Variants in NAV2 observed in about 807,000 individuals in gnomAD.
The protein encoded by NAV2 is helicase, APC down-regulated 1.
NAV2 carries 54 observed loss-of-function variants against 223.2 expected under a neutral mutation model. The ratio of observed to expected loss-of-function variants is 0.24; its 90% CI spans 0.19 to 0.30. NAV2 has a LOEUF of 0.30. Ranked by LOEUF, NAV2 falls within the 10% of genes least tolerant of loss-of-function variation. The probability of loss-of-function intolerance (pLI) is 1.00; values close to 1 mark genes in which losing one functional copy is unlikely to be tolerated. For synonymous variants in NAV2, 1,279 were observed against 1,239.3 expected (o/e 1.03, Z -0.67); for missense variants, 2,806 against 3,147.5 (o/e 0.89, Z 2.60).
In NAV2 at chr11:19,462,139, T is replaced by C. The variant is rs182299709; in HGVS notation, c.75+111112T>C. ...ATAAATTTCTTAATATGAGTTGTGC[T>C]GAAAGGTTTGAAAGCCACTGGCTTA... On this transcript the variant is annotated intron_variant, in intron 1 of 37. Coordinates refer to the NAV2 transcript ENST00000360655. 4.6e-3 allele frequency among the ~76,000 whole-genome samples: 700 copies of C among 152,348 alleles called. 19 individuals are homozygous for C. The highest frequency in any genetic ancestry group is 1.3e-3 in the East Asian group (7 of 5,186).
At chr11:19,629,479 G>GCA (rs1272691108) in intron 1 of NAV2, among the ~76,000 whole-genome samples, 7 of 151,102 alleles carry the variant, frequency 4.6e-5, no homozygotes, top group African/African-American at 9.7e-5. Context: ...ACGCACTTGC[G>GCA]CACACACACA....
intron 25 of NAV2, among the ~76,000 whole-genome samples, chr11:20,081,173 C>T (rs1161232908): frequency 6.6e-6 from 1 of 152,166 alleles, no homozygotes; most frequent in African/African-American, 2.4e-5. Context: ...CAATGACTTG[C>T]ATTGGAAGCA....
At chr11:19,717,437 C>A (rs574897444) in intron 1 of NAV2, among the ~76,000 whole-genome samples, 2 of 152,284 alleles carry the variant, frequency 1.3e-5, no homozygotes, top group South Asian at 2.1e-4. Flanking sequence ...CTGGAGGAGA[C>A]AGAAGATGAG....
intron 10 of NAV2, among the ~76,000 whole-genome samples, chr11:19,964,809 CTTTT>C (rs71050695): frequency 5.2e-5 from 3 of 57,524 alleles, no homozygotes; most frequent in South Asian, 6.6e-4. Context: ...CCTCATTCTA[CTTTT>C]TTTTTTTTTT....
intron 19 of NAV2, among the ~76,000 whole-genome samples, chr11:20,061,905 T>C (rs1220758598): frequency 2.0e-5 from 3 of 152,142 alleles, no homozygotes; most frequent in Non-Finnish European, 4.4e-5. Flanking sequence ...CCTAAAGGAA[T>C]ACATTAGAAA....
At chr11:19,893,941 G>C (rs1488972284) in intron 6 of NAV2, among the ~76,000 whole-genome samples, 1 of 152,016 alleles carries the variant, frequency 6.6e-6, no homozygotes, top group Non-Finnish European at 1.5e-5. Flanking sequence ...TCAGATAAAA[G>C]TTCTCCTGCA....
rs534214933 is a variant in NAV2, at chr11:20,040,849, G to T, written c.2908-3132G>T. ...TGTTGCGAGCTCCAGGAACAGAGAG[G>T]CTGGGACTTTCTCGTTTTTTAATCC... On this transcript the variant is annotated intron_variant, in intron 12 of 37. Transcript: ENST00000349880. 3.9e-5 allele frequency among the ~76,000 whole-genome samples: 6 copies of T among 152,304 alleles called. No individual in the cohort carries two copies. The South Asian group carries it at 1.2e-3, about 32-fold the overall frequency.
At chr11:19,935,864 T>TG (rs1555156833) in intron 7 of NAV2, among the ~76,000 whole-genome samples, 2 of 101,178 alleles carry the variant, frequency 2.0e-5, no homozygotes, top group African/African-American at 7.0e-5. Context: ...TTTTTTTTTT[T>TG]TTTTTTTTTT....
At chr11:19,648,765 C>T (rs1296726412) in intron 1 of NAV2, among the ~76,000 whole-genome samples, 1 of 152,160 alleles carries the variant, frequency 6.6e-6, no homozygotes, top group African/African-American at 2.4e-5. Context: ...AAATTATACC[C>T]TGGCAGTAAC....
Position 20,048,950 on chromosome 11 carries a change from C to T in NAV2, c.4125C>T (p.His1375=). Residue 1375 remains histidine (H), a synonymous_variant, in exon 15 of 38, where the codon CAC becomes CAT. Coordinates refer to ENST00000349880, the MANE Select transcript of NAV2 (RefSeq NM_145117.5). ...TAGCCTCCAGCCCCAGCTCAGCCCA[C>T]TCGGCCCCTTCCAACAGCCTCACCT... ...SPLASSPSSA[H]SAPSNSLTWG... is the part of the protein sequence containing the mutation. 6.2e-7 allele frequency: 1 copy of T among 1,614,214 alleles called. No homozygotes were observed. Among genetic ancestry groups the T allele is most frequent in the Non-Finnish European group, 8.5e-7 (1 of 1,180,046 alleles).
At chr11:20,020,542 A>T (rs892840308) in intron 11 of NAV2, among the ~76,000 whole-genome samples, 35 of 152,212 alleles carry the variant, frequency 2.3e-4, no homozygotes, top group African/African-American at 8.2e-4. Context: ...ACCCTGACTC[A>T]ATTAGAACCT....
At chr11:19,459,853 G>T (rs575778063) in intron 1 of NAV2, among the ~76,000 whole-genome samples, 1 of 152,174 alleles carries the variant, frequency 6.6e-6, no homozygotes, top group Admixed American at 6.5e-5. Context: ...GCAAGAAAAT[G>T]CTATAGCCTG....
Position 20,001,853 on chromosome 11 carries a change from A to C in NAV2, c.2768+17606A>C, listed in dbSNP as rs144363234. On this transcript the variant is annotated intron_variant, in intron 11 of 37. Transcript: ENST00000349880. ...CATGTACCCCAGAATCTAAAGTGTA[A>C]TAAAAAAAAAAATCAGGGCAAGCCT... 4.2e-3 allele frequency among the ~76,000 whole-genome samples: 646 copies of C among 152,102 alleles called. 5 individuals carry two copies. The highest frequency in any genetic ancestry group is 0.015 in the African/African-American group (609 of 41,482).
chr11:19,446,538 T>C lies in NAV2; in HGVS notation c.75+95511T>C, dbSNP rs530574107. 8.5e-5 allele frequency among the ~76,000 whole-genome samples: 13 copies of C among 152,222 alleles called. 1 individual carries two copies. In the South Asian group the frequency reaches 2.5e-3, roughly 29 times the overall value. On this transcript the variant is annotated intron_variant, in intron 1 of 37. Coordinates refer to the NAV2 transcript ENST00000360655. ...CAGAGAATGGAGTTTTTGGACATGT[T>C]GGGGAGTTTTCTGCCTCTTAATGAG...
At chr11:19,879,404 G>A (rs1223922695) in intron 4 of NAV2, among the ~76,000 whole-genome samples, 1 of 152,100 alleles carries the variant, frequency 6.6e-6, no homozygotes, top group Non-Finnish European at 1.5e-5. Context: ...TTTGAGAGTA[G>A]GACGACTGGG....
intron 11 of NAV2, among the ~76,000 whole-genome samples, chr11:20,009,095 A>G (rs953698100): frequency 3.9e-5 from 6 of 151,924 alleles, no homozygotes; most frequent in African/African-American, 1.4e-4. Flanking sequence ...TGGGCTAGGA[A>G]TTTGGAATTC....
At chr11:19,864,464 A>T (rs1358855870) in intron 3 of NAV2, among the ~76,000 whole-genome samples, 1 of 152,234 alleles carries the variant, frequency 6.6e-6, no homozygotes, top group Non-Finnish European at 1.5e-5. Context: ...ATTTTACGTT[A>T]TCAGGAGACC....
intron 1 of NAV2, among the ~76,000 whole-genome samples, chr11:19,424,609 C>A (rs181673907): frequency 1.3e-5 from 2 of 152,102 alleles, no homozygotes; most frequent in East Asian, 3.9e-4. Context: ...AATGCAGTGG[C>A]GCAATCTCAG....
chr11:19,463,625 G>A (rs1235514800), intron 1 of NAV2, among the ~76,000 whole-genome samples: 1 of 152,226 alleles, frequency 6.6e-6, no homozygotes, highest in Non-Finnish European at 1.5e-5. Context: ...AGCTGTGTGA[G>A]GGCTGCTAAA....
Sources: allele counts gnomAD v4.1 joint callset (sites outside exome capture counted in the v4.1 genomes callset), GRCh38; gene constraint gnomAD v4.1.1; transcripts MANE v1.5; gene names NCBI Gene and HGNC (gene_info 2026-07-23, HGNC 2026-07-21).